The following BACH1 variants were observed in gnomAD, a reference collection of about 807,000 sequenced individuals.
BACH1 encodes transcription regulator protein BACH1.
BACH1 carries 35 observed loss-of-function variants against 52.9 expected under a neutral mutation model. The ratio of observed to expected loss-of-function variants is 0.66; its 90% CI spans 0.51 to 0.88. The LOEUF (loss-of-function observed/expected upper bound fraction) is 0.88. BACH1 is among the 40% of genes least tolerant of loss of function. BACH1 has a pLI of 0.00. For missense variants in BACH1, 808 were observed against 872.6 expected (o/e 0.93, Z 0.93); for synonymous variants, 321 against 319.6 (o/e 1.00, Z -0.05).
At chr21:29,339,420 C>T (rs988879362) in intron 4 of BACH1, among the ~76,000 whole-genome samples, 1 of 151,936 alleles carries the variant, frequency 6.6e-6, no homozygotes, top group South Asian at 2.1e-4. Context: ...TCTGAACTGC[C>T]GTTCAGAGGT....
At chr21:29,322,471 G>A (rs1211488992) in intron 2 of BACH1, among the ~76,000 whole-genome samples, 1 of 152,184 alleles carries the variant, frequency 6.6e-6, no homozygotes, top group Non-Finnish European at 1.5e-5. Flanking sequence ...CCTTGTTAAT[G>A]TCCTGCCTTT....
chr21:29,342,714 T>A lies in BACH1; in HGVS notation c.2092T>A (p.Ser698Thr), dbSNP rs1438670406. 6.2e-7 allele frequency: 1 copy of A among 1,613,958 alleles called. No homozygotes were observed. The highest frequency in any genetic ancestry group is 8.5e-7 in the Non-Finnish European group (1 of 1,179,974). The change falls in exon 5 of 5, where the codon TCC (serine) becomes ACC (threonine). Residue 698 changes from serine (S) to threonine (T), a missense_variant. Ser to Thr is a moderately conservative substitution (Grantham distance 58). Transcript: ENST00000286800. ...SEPGYARGQE[S>T]QQMSTATSEQ... ...GCCTGGCTACGCGCGAGGGCAGGAG[T>A]CCCAGCAGATGTCCACAGCCACCTC... is the stretch of plus-strand genomic sequence containing the variant.
chr21:29,302,091 C>T (rs2088610124), intron 1 of BACH1, among the ~76,000 whole-genome samples: 2 of 152,272 alleles, frequency 1.3e-5, no homozygotes, highest in South Asian at 4.1e-4. Flanking sequence ...GAATCACCAC[C>T]TCTCTTCTAA....
chr21:29,314,919 C>G (rs913819084), intron 1 of BACH1, among the ~76,000 whole-genome samples: 11 of 152,106 alleles, frequency 7.2e-5, no homozygotes, highest in Non-Finnish European at 1.6e-4. Context: ...AAAATAACAG[C>G]TTGGTCATGG....
In BACH1 at chr21:29,321,560, G is replaced by T. The variant is rs1555886081; in HGVS notation, c.234+46G>T. Reference sequence around the variant, plus strand: ...GCAATTTTAATCTACTTTTACTTAAGTTTTTTATGGTTCATAATGTTGAAA... The same window carrying T: ...GCAATTTTAATCTACTTTTACTTAATTTTTTTATGGTTCATAATGTTGAAA... On this transcript the variant is annotated intron_variant, in intron 2 of 4. Coordinates refer to ENST00000286800, the MANE Select transcript of BACH1 (RefSeq NM_001186.4). The T allele has an allele frequency of 1.7e-5, 26 of 1,512,920 alleles. No individual in the cohort carries two copies. In the South Asian group the frequency reaches 3.1e-4, roughly 18 times the overall value. The allele number at this position is 1,512,920 out of a possible 1,614,324, so 93.7% of individuals were successfully genotyped here. A position where few individuals can be genotyped will look rare whatever the true frequency, so the allele number is the denominator to read the frequency against.
At chr21:29,361,105 G>A (rs900399400) in intron 2 of BACH1, 10 of 152,232 alleles carry the variant, frequency 6.6e-5, no homozygotes, top group African/African-American at 2.4e-4. Flanking sequence ...CTGGAACATA[G>A]TAGGGTCTCC....
chr21:29,342,389 C>G lies in BACH1; in HGVS notation c.1777-10C>G. 1.2e-6 allele frequency: 2 copies of G among 1,606,520 alleles called. No individual in the cohort carries two copies. Among genetic ancestry groups the G allele is most frequent in the East Asian group, 4.5e-5 (2 of 44,762 alleles). Reference sequence around the variant, plus strand: ...CACAAGCCATTGTGTTCTCTTTCCCCACTTCACAGCAAAGTGAAAAGGAGA... The same window carrying G: ...CACAAGCCATTGTGTTCTCTTTCCCGACTTCACAGCAAAGTGAAAAGGAGA... On this transcript the variant is annotated splice_polypyrimidine_tract_variant and intron_variant, in intron 4 of 4. Transcript: ENST00000286800.
At chr21:29,337,410 A>G (rs2089057434) in intron 4 of BACH1, among the ~76,000 whole-genome samples, 1 of 152,240 alleles carries the variant, frequency 6.6e-6, no homozygotes, top group East Asian at 1.9e-4. Context: ...TAAAAAGTAC[A>G]TTAGAAATCC....
intron 2 of BACH1, among the ~76,000 whole-genome samples, chr21:29,324,582 G>A (rs2123443013): frequency 6.6e-6 from 1 of 150,666 alleles, no homozygotes; most frequent in Non-Finnish European, 1.5e-5. Context: ...GTGTGTGTGT[G>A]TGTGTGTGTG....
chr21:29,339,063 A>T (rs2089079625), intron 4 of BACH1, among the ~76,000 whole-genome samples: 1 of 152,148 alleles, frequency 6.6e-6, no homozygotes, highest in Non-Finnish European at 1.5e-5. Context: ...CTGTGGGTGG[A>T]CAGTTGGGAT....
intron 1 of BACH1, 84 bp from the exon 2 acceptor site, chr21:29,321,137 T>G: frequency 1.5e-6 from 1 of 675,804 alleles, no homozygotes; most frequent in Non-Finnish European, 2.4e-6. Flanking sequence ...TTTGTTTTAA[T>G]GAGTATGTAT....
At chr21:29,311,969 C>T (rs2088728735) in intron 1 of BACH1, among the ~76,000 whole-genome samples, 1 of 152,186 alleles carries the variant, frequency 6.6e-6, no homozygotes, top group Non-Finnish European at 1.5e-5. Flanking sequence ...CAGTGGAGTC[C>T]TCAAGTTATA....
At chr21:29,320,222 C>T (rs1203983774) in intron 1 of BACH1, among the ~76,000 whole-genome samples, 1 of 152,148 alleles carries the variant, frequency 6.6e-6, no homozygotes, top group East Asian at 1.9e-4. Context: ...GGGATGATAC[C>T]GTGAGGCATC....
In BACH1 at chr21:29,326,926, C is replaced by A. The variant is rs933828231; in HGVS notation, c.1102C>A (p.Pro368Thr). ...AACATTTGGTGAAAGTCAGGATTTACCTTTGAAATCCGACTTGGGCACCAG... is the reference window on the plus strand; with the variant it reads ...AACATTTGGTGAAAGTCAGGATTTAACTTTGAAATCCGACTTGGGCACCAG... ...EKTFGESQDL[P>T]LKSDLGTRED... Residue 368 changes from proline to threonine, a missense_variant, in exon 3 of 5, where the codon CCT becomes ACT. Transcript: ENST00000286800. The A allele has an allele frequency of 2.5e-6, 4 of 1,614,060 alleles. No homozygotes were observed. The African/African-American group carries it at 5.3e-5, about 22-fold the overall frequency.
chr21:29,320,230 A>G (rs1247848295), intron 1 of BACH1, among the ~76,000 whole-genome samples: 1 of 152,242 alleles, frequency 6.6e-6, no homozygotes, highest in African/African-American at 2.4e-5. Context: ...ACCGTGAGGC[A>G]TCACACGGAT....
intron 1 of BACH1, among the ~76,000 whole-genome samples, chr21:29,311,072 T>G (rs1014297900): frequency 1.3e-5 from 2 of 152,222 alleles, no homozygotes; most frequent in African/African-American, 4.8e-5. Context: ...GAACCAGTGC[T>G]CTAGTGATTT....
At chr21:29,333,790 A>C (rs985280307) in intron 4 of BACH1, among the ~76,000 whole-genome samples, 1 of 152,238 alleles carries the variant, frequency 6.6e-6, no homozygotes, top group African/African-American at 2.4e-5. Flanking sequence ...TAGTATTATA[A>C]TTATGTATAA....
intron 4 of BACH1, among the ~76,000 whole-genome samples, chr21:29,335,471 T>C (rs1460314087): frequency 6.6e-6 from 1 of 152,210 alleles, no homozygotes; most frequent in Non-Finnish European, 1.5e-5. Context: ...TAAGACAGAA[T>C]CCTCACTTAC....
chr21:29,347,989 AT>A (rs982043599), downstream of BACH1, among the ~76,000 whole-genome samples: 26 of 152,336 alleles, frequency 1.7e-4, no homozygotes, highest in African/African-American at 6.0e-4. Flanking sequence ...AGAGAAAAAA[AT>A]TCAAAGATTA....
Sources: gnomAD v4.1 joint callset for allele counts (sites outside exome capture counted in the v4.1 genomes callset) on GRCh38, gnomAD v4.1.1 for gene constraint, MANE v1.5 for transcripts, NCBI Gene and HGNC (gene_info 2026-07-23, HGNC 2026-07-21) for gene names.